DRC7: variants seen among roughly 807,000 people sequenced by gnomAD.
The protein encoded by DRC7 is coiled-coil domain containing 135.
A neutral mutation model predicts 104.4 loss-of-function variants in DRC7; 80 were observed. The ratio of observed to expected loss-of-function variants is 0.77; its 90% CI spans 0.64 to 0.92. The LOEUF (loss-of-function observed/expected upper bound fraction) is 0.92, where lower values mean the gene tolerates loss of function less well. Ranked by LOEUF, DRC7 falls within the 40% of genes least tolerant of loss-of-function variation. The pLI, the probability that DRC7 is intolerant of heterozygous loss-of-function variation, is 0.00. For synonymous variants in DRC7, 405 were observed against 447.3 expected (o/e 0.91, Z 1.19); for missense variants, 1,034 against 1,141.1 (o/e 0.91, Z 1.35).
At chr16:57,706,222 ATCCATCCTCCCACCCACCCTCCCATCCG>A (rs2048723800) in intron 7 of DRC7, among the ~76,000 whole-genome samples, 4 of 112,892 alleles carry the variant, frequency 3.5e-5, no homozygotes, top group East Asian at 2.9e-4. Flanking sequence ...CCTCCCATCC[ATCCATCCTCCCACCCACCCTCCCATCCG>A]TCCATCCTCC....
chr16:57,712,188 C>T (rs1377825874), intron 8 of DRC7, among the ~76,000 whole-genome samples: 2 of 152,166 alleles, frequency 1.3e-5, no homozygotes, highest in Admixed American at 6.5e-5. Flanking sequence ...AAGATGGAGT[C>T]GATTGAGATC....
At chr16:57,730,141 G>A (rs1433964259) in intron 17 of DRC7, among the ~76,000 whole-genome samples, 13 of 112,458 alleles carry the variant, frequency 1.2e-4, no homozygotes, top group Admixed American at 6.0e-4. Flanking sequence ...GGGTGGGTGG[G>A]TGGATGGATG....
intron 15 of DRC7, 91 bp from the exon 16 acceptor site, chr16:57,727,208 C>A: frequency 1.0e-6 from 1 of 1,003,856 alleles, no homozygotes. Context: ...TGAATTCATG[C>A]AATCTGCCCT....
At chr16:57,695,541 GC>G in intron 1 of DRC7, among the ~76,000 whole-genome samples, 2 of 152,318 alleles carry the variant, frequency 1.3e-5, no homozygotes, top group South Asian at 4.1e-4. Flanking sequence ...GGTGATGACT[GC>G]CCTTCCTGGG....
At chr16:57,700,386 T>C (rs1417585375) in intron 5 of DRC7, 116 bp downstream of exon 5, 122 of 1,344,758 alleles carry the variant, frequency 9.1e-5, no homozygotes, top group Non-Finnish European at 1.1e-4. Flanking sequence ...TGGTAGCTCA[T>C]GCCTGTAATC....
intron 6 of DRC7, 88 bp downstream of exon 6, chr16:57,702,218 C>T (rs944541348): frequency 1.1e-4 from 152 of 1,399,882 alleles, no homozygotes; most frequent in Middle Eastern, 4.7e-4. Context: ...CCATCACTGC[C>T]GCCTCATCCC....
In DRC7 at chr16:57,728,439, A is replaced by C. The variant is rs1212723837; in HGVS notation, c.2246A>C (p.Asp749Ala). The C allele has an allele frequency of 6.2e-7, 1 of 1,611,122 alleles. No individual in the cohort carries two copies. ...EHLRQVETQLDYLAPFLAQLP... is the reference protein window; with the variant it reads ...EHLRQVETQLAYLAPFLAQLP... The stretch of plus-strand genomic sequence containing the variant: ...CTGCGGCAGGTGGAGACCCAGCTGG[A>C]CTACCTGGCCCCATTCCTGGCCCAG... The change falls in exon 17 of 19, where the codon GAC (aspartate) becomes GCC (alanine). Residue 749 changes from aspartate to alanine, a missense_variant. Asp to Ala is a moderately radical substitution (Grantham distance 126). Coordinates refer to ENST00000360716, the MANE Select transcript of DRC7 (RefSeq NM_001289162.2).
At chr16:57,701,893 G>A (rs1279900039) in intron 5 of DRC7, 43 bp from the exon 6 acceptor site, 1 of 1,564,848 alleles carries the variant, frequency 6.4e-7, no homozygotes, top group Non-Finnish European at 8.7e-7. Flanking sequence ...GACAGGCTGG[G>A]GCAGCGGGGC....
chr16:57,723,158 C>T (rs2048924147), intron 12 of DRC7, 28 bp downstream of exon 12: 2 of 1,609,320 alleles, frequency 1.2e-6, no homozygotes, highest in African/African-American at 2.7e-5. Flanking sequence ...CCTGGGCCAC[C>T]CAGGAGCCTG....
At chr16:57,699,709 A>G (rs1443077215) in intron 4 of DRC7, among the ~76,000 whole-genome samples, 2 of 151,996 alleles carry the variant, frequency 1.3e-5, no homozygotes, top group African/African-American at 4.8e-5. Context: ...CTGGGAGGAG[A>G]GCACAGTGCT....
At chr16:57,700,980 G>A (rs1322607280) in intron 5 of DRC7, among the ~76,000 whole-genome samples, 1 of 152,124 alleles carries the variant, frequency 6.6e-6, no homozygotes, top group Admixed American at 6.5e-5. Flanking sequence ...TTAAGTATTT[G>A]ACTTATGACC....
chr16:57,726,711 G>A, intron 14 of DRC7, 121 bp from the exon 15 acceptor site: 2 of 625,948 alleles, frequency 3.2e-6, no homozygotes, highest in Middle Eastern at 2.6e-4. Context: ...GGCTCAGAGA[G>A]GTTTAGCAAC....
At chr16:57,730,264 GGTGGGTGGATGGATGA>G (rs2049045247) in intron 17 of DRC7, among the ~76,000 whole-genome samples, 1 of 136,856 alleles carries the variant, frequency 7.3e-6, no homozygotes, top group Admixed American at 7.3e-5. Context: ...TGAGTGAGTA[GGTGGGTGGATGGATGA>G]GTGGGTGGGT....
At chr16:57,720,410 A>G (rs1173538525) in intron 9 of DRC7, among the ~76,000 whole-genome samples, 2 of 152,238 alleles carry the variant, frequency 1.3e-5, no homozygotes, top group Admixed American at 1.3e-4. Flanking sequence ...GACTGGGGAC[A>G]TCTTGTGTGC....
chr16:57,726,030 C>T (rs940495225), intron 13 of DRC7, 38 bp from the exon 14 acceptor site: 1 of 1,561,728 alleles, frequency 6.4e-7, no homozygotes. Flanking sequence ...CTCACACGCT[C>T]ATCCTTTGCT....
chr16:57,730,334 T>G (rs1597817461), intron 17 of DRC7, among the ~76,000 whole-genome samples: 1 of 143,782 alleles, frequency 7.0e-6, no homozygotes. Flanking sequence ...GATGGGCGAG[T>G]GGATAGATGG....
rs2048575021 is a variant in DRC7, at chr16:57,694,832, G to C, written c.-189G>C. On this transcript the variant is annotated 5_prime_UTR_variant, in exon 1 of 19. It removes the in-frame stop codon of an upstream open reading frame in the 5' UTR. Transcript: ENST00000360716. ...TTACCATGGAGATGGCTAACAGCTA[G>C]AGCAGGCTGTCCTCGGAGGGGTGAG... 6.6e-6 allele frequency: 1 copy of C among 152,224 alleles called. No individual in the cohort carries two copies. The highest frequency in any genetic ancestry group is 2.4e-5 in the African/African-American group (1 of 41,430). 9.4% of individuals were successfully genotyped at this position (152,224 alleles called of 1,614,324 possible). A position where few individuals can be genotyped will look rare whatever the true frequency, so the allele number is the denominator to read the frequency against.
At chr16:57,728,943 T>A (rs1318522775) in intron 17 of DRC7, among the ~76,000 whole-genome samples, 1 of 149,782 alleles carries the variant, frequency 6.7e-6, no homozygotes, top group Non-Finnish European at 1.5e-5. Context: ...GATGGGTGGG[T>A]GGATGGGTGG....
At chr16:57,721,161 A>G (rs1383866961) in intron 9 of DRC7, among the ~76,000 whole-genome samples, 1 of 152,116 alleles carries the variant, frequency 6.6e-6, no homozygotes, top group Non-Finnish European at 1.5e-5. Context: ...GGTTTCAGTG[A>G]GCCAAGATTC....
Sources: gnomAD v4.1 joint callset for allele counts (sites outside exome capture counted in the v4.1 genomes callset) on GRCh38, gnomAD v4.1.1 for gene constraint, MANE v1.5 for transcripts, NCBI Gene and HGNC (gene_info 2026-07-23, HGNC 2026-07-21) for gene names.